The following PIBF1 variants were observed in gnomAD, a reference collection of about 807,000 sequenced individuals.
PIBF1 encodes the protein progesterone immunomodulatory binding factor 1, also known as progesterone-induced-blocking factor 1.
In PIBF1, 90 loss-of-function variants were observed where a neutral mutation model predicts 112.5. The ratio of observed to expected loss-of-function variants is 0.80; its 90% CI spans 0.67 to 0.95. The LOEUF is 0.95. PIBF1 is among the 40% of genes least tolerant of loss of function. The pLI is 0.00. For synonymous variants in PIBF1, 301 were observed against 288.6 expected (o/e 1.04, Z -0.44); for missense variants, 915 against 852.3 (o/e 1.07, Z -0.92).
chr13:72,969,256 C>T (rs2042829604), intron 15 of PIBF1, among the ~76,000 whole-genome samples: 1 of 151,946 alleles, frequency 6.6e-6, no homozygotes, highest in Non-Finnish European at 1.5e-5. Flanking sequence ...TAACATTTCT[C>T]AAAATATGTT....
intron 4 of PIBF1, among the ~76,000 whole-genome samples, chr13:72,795,969 A>G (rs1244838051): frequency 6.6e-6 from 1 of 152,212 alleles, no homozygotes; most frequent in Non-Finnish European, 1.5e-5. Context: ...TGCTGGTTAC[A>G]CAAATCTAGA....
At position 72,908,399 on chromosome 13, in the gene PIBF1, A is replaced by G. The variant is rs533664868; in HGVS notation, c.1489-132A>G. 15 of 420,758 alleles carry G rather than the reference A, an allele frequency of 3.6e-5. No individual in the cohort carries two copies. In the South Asian group the frequency reaches 1.1e-3, roughly 31 times the overall value. The allele number at this position is 420,758 out of a possible 1,614,324, so 26.1% of individuals were successfully genotyped here. Reference sequence around the variant, plus strand: ...AATATATTTAATTTCCTCATTAGTCATCTTAATTGAGCTACTTTCTCTTAA... The same window carrying G: ...AATATATTTAATTTCCTCATTAGTCGTCTTAATTGAGCTACTTTCTCTTAA... On this transcript the variant is annotated intron_variant, in intron 11 of 17. Coordinates refer to ENST00000326291, the MANE Select transcript of PIBF1 (RefSeq NM_006346.4).
At chr13:72,977,117 A>G (rs2138954708) in intron 16 of PIBF1, among the ~76,000 whole-genome samples, 1 of 152,262 alleles carries the variant, frequency 6.6e-6, no homozygotes, top group Non-Finnish European at 1.5e-5. Context: ...AAAGAGACCA[A>G]ATGAACTTTT....
At chr13:72,873,778 A>AG (rs891307729) in intron 10 of PIBF1, among the ~76,000 whole-genome samples, 1 of 151,890 alleles carries the variant, frequency 6.6e-6, no homozygotes, top group Non-Finnish European at 1.5e-5. Flanking sequence ...CAAAATAAAA[A>AG]AAAAAATTGC....
At chr13:72,796,381 T>C (rs1440995138) in intron 4 of PIBF1, among the ~76,000 whole-genome samples, 1 of 152,170 alleles carries the variant, frequency 6.6e-6, no homozygotes. Context: ...CTTTTTAATA[T>C]GTAGATGTCA....
At chr13:72,795,337 C>T (rs2035137797) in intron 3 of PIBF1, 22 bp from the exon 4 acceptor site, 1 of 1,422,622 alleles carries the variant, frequency 7.0e-7, no homozygotes, top group Non-Finnish European at 9.7e-7. Flanking sequence ...TAAAGCCTGC[C>T]ATAAATTCTC....
At chr13:72,931,760 G>A (rs1200966725) in intron 14 of PIBF1, among the ~76,000 whole-genome samples, 1 of 99,202 alleles carries the variant, frequency 1.0e-5, no homozygotes, top group Admixed American at 1.1e-4. Flanking sequence ...ATTTTACATA[G>A]CATTTTTAAT....
intron 17 of PIBF1, among the ~76,000 whole-genome samples, chr13:73,000,628 C>T (rs1037701887): frequency 1.3e-5 from 2 of 152,146 alleles, no homozygotes; most frequent in African/African-American, 4.8e-5. Context: ...GAAATAGGGT[C>T]AGATGAAAAC....
intron 16 of PIBF1, among the ~76,000 whole-genome samples, chr13:72,981,351 C>T (rs2043152761): frequency 6.6e-6 from 1 of 151,638 alleles, no homozygotes; most frequent in South Asian, 2.1e-4. Context: ...TAAATGGTGA[C>T]AGGAAGAAGC....
chr13:72,832,014 C>T lies in PIBF1; in HGVS notation c.1098-3229C>T, dbSNP rs184379946. On this transcript the variant is annotated intron_variant, in intron 8 of 17. Transcript: ENST00000326291. ...CTATTATGTAATGCCCTTTATTCTC[C>T]TTTGATCTTTGTTGGTTTAAAGTCT... Among the ~76,000 whole-genome samples the T allele has an allele frequency of 3.5e-5, 5 of 144,574 alleles. No homozygotes were observed. In the East Asian group the frequency reaches 1.0e-3, roughly 29 times the overall value. The allele number at this position is 144,574 out of a possible 152,430, so 94.8% of individuals were successfully genotyped here.
At chr13:72,838,577 G>A (rs531460514) in intron 9 of PIBF1, among the ~76,000 whole-genome samples, 2 of 152,282 alleles carry the variant, frequency 1.3e-5, no homozygotes, top group Admixed American at 1.3e-4. Context: ...GAAATCAGAA[G>A]TGAGATACAG....
At chr13:72,975,575 C>A (rs2043001106) in intron 16 of PIBF1, among the ~76,000 whole-genome samples, 1 of 152,074 alleles carries the variant, frequency 6.6e-6, no homozygotes, top group African/African-American at 2.4e-5. Flanking sequence ...GGAGTGAGTT[C>A]TCTTAAAGGT....
intron 16 of PIBF1, among the ~76,000 whole-genome samples, chr13:72,996,908 T>C (rs1304563149): frequency 6.6e-6 from 1 of 152,248 alleles, no homozygotes; most frequent in Non-Finnish European, 1.5e-5. Context: ...TGTATTATCC[T>C]AATAAGAATT....
intron 3 of PIBF1, 129 bp from the exon 4 acceptor site, chr13:72,795,230 C>T: frequency 3.1e-6 from 2 of 638,000 alleles, no homozygotes; most frequent in Non-Finnish European, 5.5e-6. Flanking sequence ...AAGTATTTAG[C>T]TGGAGTAAGT....
chr13:73,013,278 G>A (rs1450741412), intron 17 of PIBF1, among the ~76,000 whole-genome samples: 1 of 138,450 alleles, frequency 7.2e-6, no homozygotes, highest in Non-Finnish European at 1.5e-5. Context: ...TCCAGCCTGG[G>A]CGACAGAGCG....
chr13:72,846,848 T>C (rs2037899294), intron 9 of PIBF1, among the ~76,000 whole-genome samples: 1 of 152,214 alleles, frequency 6.6e-6, no homozygotes, highest in Non-Finnish European at 1.5e-5. Flanking sequence ...GGAGTTTTCA[T>C]GTATCGTTCA....
intron 10 of PIBF1, among the ~76,000 whole-genome samples, chr13:72,855,331 T>C (rs935724204): frequency 6.6e-6 from 1 of 152,208 alleles, no homozygotes; most frequent in Non-Finnish European, 1.5e-5. Context: ...TTTTAATAAA[T>C]GTTATATTGA....
At chr13:72,806,406 G>T (rs1459147219) in intron 5 of PIBF1, among the ~76,000 whole-genome samples, 4 of 151,816 alleles carry the variant, frequency 2.6e-5, no homozygotes, top group Non-Finnish European at 5.9e-5. Context: ...TAAGTTCTGG[G>T]GTACATAGGC....
intron 2 of PIBF1, among the ~76,000 whole-genome samples, chr13:72,785,640 A>G (rs954017547): frequency 4.6e-5 from 7 of 152,214 alleles, no homozygotes; most frequent in Non-Finnish European, 1.0e-4. Flanking sequence ...CCATGCATCC[A>G]GTGGTTTCCC....
Sources: gnomAD v4.1 joint callset for allele counts (sites outside exome capture counted in the v4.1 genomes callset) on GRCh38, gnomAD v4.1.1 for gene constraint, MANE v1.5 for transcripts, NCBI Gene and HGNC (gene_info 2026-07-23, HGNC 2026-07-21) for gene names.